Variants in IFT140 observed in about 807,000 individuals in gnomAD.
The protein encoded by IFT140 is intraflagellar transport 140.
IFT140 carries 133 observed loss-of-function variants against 164.6 expected under a neutral mutation model. The ratio of observed to expected loss-of-function variants is 0.81; its 90% CI spans 0.70 to 0.93. The LOEUF (loss-of-function observed/expected upper bound fraction) is 0.93, where lower values mean the gene tolerates loss of function less well. Among genes scored for constraint, IFT140 ranks in the 40% least tolerant of loss-of-function variants. IFT140 has a pLI of 0.00. For missense variants in IFT140, 2,045 were observed against 1,972.3 expected, an observed-to-expected ratio of 1.04 and a Z score of -0.70; for synonymous variants, 860 against 817.3, an observed-to-expected ratio of 1.05 and a Z score of -0.89.
rs1019259823 is a variant in IFT140, at chr16:1,568,248, C to T, written c.1739G>A (p.Ser580Asn). 1.9e-6 allele frequency: 3 copies of T among 1,610,484 alleles called. No individual in the cohort carries two copies. The highest frequency in any genetic ancestry group is 3.4e-5 in the Admixed American group (2 of 59,616). ...GGIASLRCSS[S>N]GSTISILPSK... ...GGGGAGGATGCTGATGGTGCTCCCGCTGCTGCTGCACCGCAGAGAAGCGAT... is the reference window on the plus strand; with the variant it reads ...GGGGAGGATGCTGATGGTGCTCCCGTTGCTGCTGCACCGCAGAGAAGCGAT... Residue 580 changes from serine to asparagine, a missense_variant, in exon 15 of 31, where the codon AGC becomes AAC. Physicochemically the swap from Ser to Asn is conservative, Grantham distance 46. Transcript: ENST00000426508.
At chr16:1,511,819 T>TGGGGACACA (rs532515623) in intron 30 of IFT140, among the ~76,000 whole-genome samples, 3 of 151,052 alleles carry the variant, frequency 2.0e-5, no homozygotes, top group East Asian at 2.0e-4. Context: ...GGCGCTGTGC[T>TGGGGACACA]GGGGACACAG....
intron 19 of IFT140, among the ~76,000 whole-genome samples, chr16:1,536,005 C>T (rs1017003088): frequency 2.6e-5 from 4 of 152,246 alleles, no homozygotes; most frequent in Non-Finnish European, 4.4e-5. Context: ...CTGAACCTCT[C>T]GCGGGGGCAG....
chr16:1,603,468 A>G (rs1011108338), intron 3 of IFT140, among the ~76,000 whole-genome samples: 1 of 151,598 alleles, frequency 6.6e-6, no homozygotes, highest in African/African-American at 2.4e-5. Flanking sequence ...AGCTTGTGAG[A>G]TATGTGCTGC....
rs1263966641 is a variant in IFT140, at chr16:1,551,925, T to TGTCCCCGGGGCCTCTCCCTGGTGAC, written c.2399+5985_2399+6009dup. Among the ~76,000 whole-genome samples, 1 of 152,154 alleles carries TGTCCCCGGGGCCTCTCCCTGGTGAC rather than the reference T, an allele frequency of 6.6e-6. No individual in the cohort carries two copies. Among genetic ancestry groups the TGTCCCCGGGGCCTCTCCCTGGTGAC allele is most frequent in the African/African-American group, 2.4e-5 (1 of 41,420 alleles). ...AGCCTCCCGGGTGTGTCCCTGGTGA[T>TGTCCCCGGGGCCTCTCCCTGGTGAC]GTCCCCGGGGCCTCTCCCTGGTGAC... On this transcript the variant is annotated intron_variant, in intron 19 of 30. Transcript: ENST00000426508. The surrounding 1 kb of genome is among the most constrained non-coding windows in gnomAD (Gnocchi z 4.0).
chr16:1,608,162 A>C (rs984914723), intron 2 of IFT140, among the ~76,000 whole-genome samples: 1 of 152,196 alleles, frequency 6.6e-6, no homozygotes, highest in African/African-American at 2.4e-5. Context: ...ACTTACGTGA[A>C]CTTAATCTCT....
At position 1,565,327 on chromosome 16, in the gene IFT140, C is replaced by T. The variant is rs993553763; in HGVS notation, c.1901+834G>A. Among the ~76,000 whole-genome samples, 9 of 152,056 alleles carry T rather than the reference C, an allele frequency of 5.9e-5. No homozygotes were observed. The Middle Eastern group carries it at 0.01, about 172-fold the overall frequency. On this transcript the variant is annotated intron_variant, in intron 16 of 30. Coordinates refer to ENST00000426508, the MANE Select transcript of IFT140 (RefSeq NM_014714.4). ...GAGGTGGGAGAATGGGGCCTGCACT[C>T]GGTGAGCTGTGAAGATGGAGAGTTC...
At chr16:1,605,808 C>T (rs905581254) in intron 3 of IFT140, among the ~76,000 whole-genome samples, 1 of 152,170 alleles carries the variant, frequency 6.6e-6, no homozygotes, top group Non-Finnish European at 1.5e-5. Context: ...AATTGTGTCC[C>T]CACAAAGATA....
At position 1,586,152 on chromosome 16, in the gene IFT140, T is replaced by C. The variant is rs1470456078; in HGVS notation, c.1133A>G (p.Gln378Arg). ...TACCTGGATTTGCGTGATGTTTCCT[T>C]GGAGCTCGGTAGGGGTCTGAAGGGC... ...RWALQTPTEL[Q>R]GNITQIQWGS... is the part of the protein sequence containing the mutation. The change falls in exon 10 of 31, where the codon CAA (glutamine) becomes CGA (arginine). Residue 378 changes from glutamine (Q) to arginine (R), a missense_variant. Gln to Arg is a conservative substitution (Grantham distance 43). Coordinates refer to ENST00000426508, the MANE Select transcript of IFT140 (RefSeq NM_014714.4). The C allele has an allele frequency of 2.5e-6, 4 of 1,613,620 alleles. No homozygotes were observed. The highest frequency in any genetic ancestry group is 2.7e-5 in the African/African-American group (2 of 74,904).
intron 10 of IFT140, among the ~76,000 whole-genome samples, chr16:1,585,083 C>T (rs898856775): frequency 6.6e-5 from 10 of 152,284 alleles, no homozygotes; most frequent in African/African-American, 2.4e-4. Context: ...AGAGAGAAAT[C>T]ATAAGAAAGA....
intron 19 of IFT140, among the ~76,000 whole-genome samples, chr16:1,530,002 T>G (rs907703243): frequency 2.0e-5 from 3 of 152,052 alleles, no homozygotes; most frequent in Non-Finnish European, 4.4e-5. Context: ...ACGTCTCACT[T>G]CTCTAACATC....
intron 19 of IFT140, among the ~76,000 whole-genome samples, chr16:1,537,256 T>C (rs2031169754): frequency 6.6e-6 from 1 of 152,102 alleles, no homozygotes; most frequent in African/African-American, 2.4e-5. Flanking sequence ...ACCGCGTGCC[T>C]CCTCACGCAC....
In IFT140 at chr16:1,568,195, AGT is replaced by A; in HGVS notation, c.1770+20_1770+21del. The A allele has an allele frequency of 1.9e-6, 3 of 1,538,790 alleles. No individual in the cohort carries two copies. The highest frequency in any genetic ancestry group is 2.7e-6 in the Non-Finnish European group (3 of 1,130,152). ...CAGAGGTGAGGAGGCGGAGTGGGCG[AGT>A]GGACGAGGGGTGGCCTCACCTTGCT... On this transcript the variant is annotated intron_variant, in intron 15 of 30. Transcript: ENST00000426508.
rs775575680 is a variant in IFT140, at chr16:1,607,174, T to C, written c.93A>G (p.Ala31=). The part of the protein sequence containing the change: ...ISWHPVHPFL[A]VAYISTTSTG... The stretch of plus-strand genomic sequence containing the variant: ...TTGAGGTTGTGCTGATGTAAGCAAC[T>C]GCCAAGAATGGATGGACAGGGTGCC... The change falls in exon 3 of 31, where the codon GCA becomes GCG. Residue 31 remains alanine, a synonymous_variant. Transcript: ENST00000426508. 1.9e-6 allele frequency: 3 copies of C among 1,614,146 alleles called. No homozygotes were observed. The highest frequency in any genetic ancestry group is 2.2e-5 in the South Asian group (2 of 91,090).
At chr16:1,604,947 G>A (rs56359342) in intron 3 of IFT140, among the ~76,000 whole-genome samples, 51,854 of 151,390 alleles carry the variant, frequency 0.34, 9,690 homozygotes, top group African/African-American at 0.5. Context: ...GGAAGGGTGG[G>A]GGACAATTTC....
chr16:1,568,701 C>T (rs2033855848), intron 14 of IFT140, among the ~76,000 whole-genome samples: 1 of 152,074 alleles, frequency 6.6e-6, no homozygotes, highest in Admixed American at 6.6e-5. Context: ...TTGCAGTGAA[C>T]CGAGATCATG....
At position 1,585,822 on chromosome 16, in the gene IFT140, G is replaced by A. The variant is rs1417324573; in HGVS notation, c.1155+308C>T. On this transcript the variant is annotated intron_variant, in intron 10 of 30. Coordinates refer to ENST00000426508, the MANE Select transcript of IFT140 (RefSeq NM_014714.4). ...GTCTCACTCTGTCTCCCAGGCTGGAGTGCAGTGGCACAATCTCGGCTCACT... is the reference window on the plus strand; with the variant it reads ...GTCTCACTCTGTCTCCCAGGCTGGAATGCAGTGGCACAATCTCGGCTCACT... 2.8e-5 allele frequency among the ~76,000 whole-genome samples: 4 copies of A among 144,750 alleles called. No individual in the cohort carries two copies. In the East Asian group the frequency reaches 8.3e-4, roughly 30 times the overall value. 95.0% of individuals were successfully genotyped at this position (144,750 alleles called of 152,430 possible).
intron 19 of IFT140, among the ~76,000 whole-genome samples, chr16:1,539,759 T>C (rs1294883601): frequency 6.6e-6 from 1 of 152,180 alleles, no homozygotes; most frequent in Non-Finnish European, 1.5e-5. Context: ...CTGTCAGTGG[T>C]GCCTGCCTGT....
chr16:1,541,545 G>C, intron 19 of IFT140: 1 of 974,568 alleles, frequency 1.0e-6, no homozygotes. Flanking sequence ...AGGGAAGCCG[G>C]TGTTGCTGGT....
At chr16:1,517,585 C>T (rs2040402532) in intron 30 of IFT140, among the ~76,000 whole-genome samples, 1 of 152,178 alleles carries the variant, frequency 6.6e-6, no homozygotes. Context: ...AACGCTAGAA[C>T]ACTGCGGCTG....
Sources: gnomAD v4.1 joint callset for allele counts (sites outside exome capture counted in the v4.1 genomes callset) on GRCh38, gnomAD v4.1.1 for gene constraint, Gnocchi (gnomAD v3.1) non-coding constraint, MANE v1.5 for transcripts, NCBI Gene and HGNC (gene_info 2026-07-23, HGNC 2026-07-21) for gene names.